Variants in UBP1 observed in about 807,000 individuals in gnomAD.
UBP1 encodes upstream-binding protein 1.
In UBP1, 22 loss-of-function variants were observed where a neutral mutation model predicts 76.1. The ratio of observed to expected loss-of-function variants is 0.29; its 90% confidence interval spans 0.21 to 0.41. The LOEUF is 0.41. Among genes scored for constraint, UBP1 ranks in the 10% least tolerant of loss-of-function variants. The probability of loss-of-function intolerance (pLI) is 1.00; values close to 1 mark genes in which losing one functional copy is unlikely to be tolerated. For missense variants in UBP1, 436 were observed against 668.1 expected (o/e 0.65, Z 3.83); for synonymous variants, 224 against 237.1 (o/e 0.94, Z 0.51).
In UBP1 at chr3:33,390,324, T is replaced by TA; in HGVS notation, c.*6dup. ...GGTACTGAATACAGTTCAGTCTATA[T>TA]AAGACATCACTTCAAAATTATGTGG... On this transcript the variant is annotated 3_prime_UTR_variant, in exon 16 of 16. Coordinates refer to ENST00000283629, the MANE Select transcript of UBP1 (RefSeq NM_014517.5). 1 of 1,613,912 alleles carries TA rather than the reference T, an allele frequency of 6.2e-7. No individual in the cohort carries two copies. The highest frequency in any genetic ancestry group is 1.1e-5 in the South Asian group (1 of 91,074).
chr3:33,439,051 G>A (rs771699242), intron 1 of UBP1, among the ~76,000 whole-genome samples: 3 of 152,188 alleles, frequency 2.0e-5, no homozygotes, highest in Non-Finnish European at 4.4e-5. Context: ...GCTCAGATCT[G>A]TTTCAATCTC....
At chr3:33,438,420 G>C (rs1014380764) in intron 1 of UBP1, among the ~76,000 whole-genome samples, 2 of 152,182 alleles carry the variant, frequency 1.3e-5, no homozygotes, top group South Asian at 2.1e-4. Flanking sequence ...AGAGGAGTGC[G>C]TTTTCACTAG....
At position 33,440,174 on chromosome 3, in the gene UBP1, C is replaced by G. The variant is rs1292693719; in HGVS notation, c.-326G>C. 1.3e-5 allele frequency: 2 copies of G among 158,358 alleles called. No homozygotes were observed. The highest frequency in any genetic ancestry group is 3.7e-4 in the East Asian group (2 of 5,388). The allele number at this position is 158,358 out of a possible 1,614,324, so 9.8% of individuals were successfully genotyped here. ...CCGCCGACCGCCCCGCCCGGGGCCC[C>G]CCGGTCGCATCCTCCTCCGGGACCG... On this transcript the variant is annotated 5_prime_UTR_variant, in exon 1 of 16. Transcript: ENST00000283629.
intron 5 of UBP1, among the ~76,000 whole-genome samples, chr3:33,410,157 A>G (rs1187815282): frequency 6.6e-6 from 1 of 151,856 alleles, no homozygotes; most frequent in African/African-American, 2.4e-5. Flanking sequence ...TCTTTGGTCA[A>G]CTCTTCAAAG....
At chr3:33,423,037 A>G (rs980216904) in intron 2 of UBP1, among the ~76,000 whole-genome samples, 6 of 138,460 alleles carry the variant, frequency 4.3e-5, no homozygotes, top group African/African-American at 1.7e-4. Flanking sequence ...TTACTCAAAA[A>G]AAAGTTTGTT....
chr3:33,436,232 C>T (rs947990147), intron 1 of UBP1, among the ~76,000 whole-genome samples: 15 of 152,178 alleles, frequency 9.9e-5, no homozygotes, highest in African/African-American at 3.6e-4. Context: ...AATTAACAAA[C>T]GTATTACCTC....
At chr3:33,395,849 CAA>C (rs1185296193) in intron 13 of UBP1, among the ~76,000 whole-genome samples, 4 of 105,842 alleles carry the variant, frequency 3.8e-5, no homozygotes, top group Admixed American at 9.8e-5. Flanking sequence ...TAAATCTGAC[CAA>C]AAAAAAAAAA....
upstream of UBP1, chr3:33,440,863 T>C (rs1246519654): frequency 6.6e-6 from 1 of 152,234 alleles, no homozygotes; most frequent in Non-Finnish European, 1.5e-5. Flanking sequence ...CTCTGTGGTA[T>C]TTCCCGGTCG....
At chr3:33,401,873 A>C (rs542462093) in intron 9 of UBP1, among the ~76,000 whole-genome samples, 9 of 152,176 alleles carry the variant, frequency 5.9e-5, no homozygotes, top group South Asian at 2.1e-4. Context: ...AAACTATTCT[A>C]AGCCCTCAGA....
chr3:33,408,901 T>A, intron 7 of UBP1, 104 bp from the exon 8 acceptor site: 3 of 1,076,460 alleles, frequency 2.8e-6, no homozygotes, highest in African/African-American at 1.6e-5. Flanking sequence ...AATGCATGAC[T>A]AACAGGATTC....
intron 2 of UBP1, among the ~76,000 whole-genome samples, chr3:33,418,913 A>G (rs1478685626): frequency 6.6e-6 from 1 of 151,932 alleles, no homozygotes; most frequent in Non-Finnish European, 1.5e-5. Flanking sequence ...TATCCCTAGA[A>G]GAAAAAAATG....
Position 33,409,277 on chromosome 3 carries a change from CT to C in UBP1, c.777del (p.Glu260LysfsTer15). On this transcript the variant is annotated frameshift_variant, in exon 7 of 16. Coordinates refer to ENST00000283629, the MANE Select transcript of UBP1 (RefSeq NM_014517.5). LOFTEE classifies it high-confidence loss of function. ...GTATCATAGGACGGCTGATACTTTTCTTTTTCATGAGCTGTTCTCTTCTCCA... is the reference window on the plus strand; with the variant it reads ...GTATCATAGGACGGCTGATACTTTTCTTTTCATGAGCTGTTCTCTTCTCCA... ...EKMEKRTAHE[K>X]EKYQPSYDTT... 1.2e-6 allele frequency: 2 copies of C among 1,614,134 alleles called. No homozygotes were observed. The highest frequency in any genetic ancestry group is 1.7e-6 in the Non-Finnish European group (2 of 1,179,998).
chr3:33,396,445 C>G (rs1035232475), intron 12 of UBP1, 165 bp from the exon 13 acceptor site: 1 of 527,104 alleles, frequency 1.9e-6, no homozygotes, highest in African/African-American at 1.9e-5. Flanking sequence ...AACCACACAC[C>G]TCACACCAAC....
intron 13 of UBP1, among the ~76,000 whole-genome samples, chr3:33,395,527 G>A (rs995259209): frequency 2.0e-5 from 3 of 151,796 alleles, no homozygotes; most frequent in African/African-American, 2.4e-5. Flanking sequence ...GCACTATACC[G>A]TACAATTAAA....
At chr3:33,403,342 G>A (rs553761423) in intron 8 of UBP1, 9 of 227,966 alleles carry the variant, frequency 3.9e-5, no homozygotes, top group South Asian at 1.6e-4. Context: ...GACCTAGCTA[G>A]TGCTCCTTTT....
In UBP1 at chr3:33,425,647, C is replaced by T. The variant is rs1252389433; in HGVS notation, c.208G>A (p.Ala70Thr). The T allele has an allele frequency of 6.2e-7, 1 of 1,601,088 alleles. No homozygotes were observed. The highest frequency in any genetic ancestry group is 1.7e-5 in the Admixed American group (1 of 59,908). The change falls in exon 2 of 16, where the codon GCT (alanine) becomes ACT (threonine). Residue 70 changes from alanine (A) to threonine (T), a missense_variant. Ala to Thr is a moderately conservative substitution (Grantham distance 58). Around this residue, in one of 3 missense-constraint regions of UBP1, gnomAD observed 161 missense variants for 237.9 expected, o/e 0.68. Transcript: ENST00000283629. ...AGTTTTACTGCTGGTGACGTTGCAG[C>T]ACACATCACATACTGAAAGGGTGGG... is the stretch of plus-strand genomic sequence containing the variant. ...EHPPFQYVMC[A>T]ATSPAVKLHD...
At chr3:33,406,041 T>A (rs1354166084) in intron 8 of UBP1, among the ~76,000 whole-genome samples, 1 of 152,220 alleles carries the variant, frequency 6.6e-6, no homozygotes, top group Non-Finnish European at 1.5e-5. Flanking sequence ...TGGAGAGCTT[T>A]GAATAAACTT....
intron 2 of UBP1, among the ~76,000 whole-genome samples, chr3:33,418,775 C>T (rs1460590092): frequency 1.3e-5 from 2 of 149,788 alleles, no homozygotes; most frequent in Admixed American, 1.3e-4. Flanking sequence ...AGAAGAATCG[C>T]TTGAACCTGG....
intron 3 of UBP1, chr3:33,416,185 G>C (rs1168382030): frequency 6.6e-6 from 1 of 152,170 alleles, no homozygotes; most frequent in Non-Finnish European, 1.5e-5. Flanking sequence ...CCCCAATTAA[G>C]ATTCTTTCAT....
Sources: allele counts gnomAD v4.1 joint callset (sites outside exome capture counted in the v4.1 genomes callset), GRCh38; gene constraint gnomAD v4.1.1; regional missense constraint gnomAD v4.1.1; transcripts MANE v1.5; gene names NCBI Gene and HGNC (gene_info 2026-07-23, HGNC 2026-07-21).